The following SKAP1 variants were observed in gnomAD, a reference collection of about 807,000 sequenced individuals.
SKAP1 encodes src kinase-associated phosphoprotein 1.
SKAP1 carries 44 observed loss-of-function variants against 58.5 expected under a neutral mutation model. The observed-to-expected ratio is 0.75, with a 90% CI of 0.59 to 0.97. SKAP1 has a LOEUF of 0.97. Among genes scored for constraint, SKAP1 ranks in the 50% least tolerant of loss-of-function variants. The pLI is 0.00. For missense variants in SKAP1, 390 were observed against 435.2 expected, an observed-to-expected ratio of 0.90 and a Z score of 0.92; for synonymous variants, 127 against 149.7, an observed-to-expected ratio of 0.85 and a Z score of 1.11.
At chr17:48,346,974 T>C (rs573981918) in intron 3 of SKAP1, among the ~76,000 whole-genome samples, 58 of 152,358 alleles carry the variant, frequency 3.8e-4, no homozygotes, top group African/African-American at 1.4e-3. Flanking sequence ...TAAAAGGTAA[T>C]GTATATACAA....
intron 4 of SKAP1, among the ~76,000 whole-genome samples, chr17:48,306,372 T>C (rs1460208305): frequency 6.6e-6 from 1 of 152,240 alleles, no homozygotes; most frequent in Non-Finnish European, 1.5e-5. Context: ...TTAGTGGTCC[T>C]GGACAACCAC....
At chr17:48,385,779 G>C (rs938336662) in intron 2 of SKAP1, among the ~76,000 whole-genome samples, 1 of 152,196 alleles carries the variant, frequency 6.6e-6, no homozygotes, top group Admixed American at 6.5e-5. Flanking sequence ...CAGAAAAGAG[G>C]TGGAGGATAT....
rs144415758 is a variant in SKAP1, at chr17:48,155,124, A to T, written c.978+7345T>A. ...AACAAGCATGATGATGATGATGATG[A>T]TGATGATTTTTATTTTTTCTTGAGA... On this transcript the variant is annotated intron_variant, in intron 11 of 12. Transcript: ENST00000336915. 4.0e-3 allele frequency among the ~76,000 whole-genome samples: 609 copies of T among 151,062 alleles called. 4 individuals are homozygous for T. Among genetic ancestry groups the T allele is most frequent in the South Asian group, 9.9e-3 (47 of 4,748 alleles).
intron 1 of SKAP1, among the ~76,000 whole-genome samples, chr17:48,424,502 G>T (rs2067833740): frequency 6.6e-6 from 1 of 151,138 alleles, no homozygotes; most frequent in African/African-American, 2.4e-5. Context: ...TGGGATTACA[G>T]GCGTGAGCCA....
intron 2 of SKAP1, among the ~76,000 whole-genome samples, chr17:48,370,278 C>A (rs1471833451): frequency 1.3e-5 from 2 of 151,904 alleles, no homozygotes; most frequent in Non-Finnish European, 2.9e-5. Flanking sequence ...AAATCAAAAC[C>A]ATCTCACACC....
At chr17:48,435,101 G>A (rs2067933300), upstream of SKAP1, among the ~76,000 whole-genome samples, 1 of 152,150 alleles carries the variant, frequency 6.6e-6, no homozygotes, top group South Asian at 2.1e-4. Flanking sequence ...CCGTGCCACT[G>A]CACTCCAGCC....
chr17:48,296,410 T>C (rs2065973052), intron 4 of SKAP1, among the ~76,000 whole-genome samples: 1 of 152,158 alleles, frequency 6.6e-6, no homozygotes, highest in South Asian at 2.1e-4. Flanking sequence ...GTTGTTGTTG[T>C]TTAAAAAAAC....
intron 4 of SKAP1, among the ~76,000 whole-genome samples, chr17:48,285,139 T>C (rs2065814329): frequency 6.6e-6 from 1 of 152,206 alleles, no homozygotes; most frequent in Non-Finnish European, 1.5e-5. Context: ...AATGTTCTTT[T>C]ATGGTATTTG....
intron 4 of SKAP1, among the ~76,000 whole-genome samples, chr17:48,256,312 CTGAA>C (rs2065423386): frequency 1.3e-5 from 2 of 151,770 alleles, no homozygotes; most frequent in African/African-American, 4.8e-5. Flanking sequence ...TACATACAGA[CTGAA>C]TGATGAAAAA....
intron 4 of SKAP1, among the ~76,000 whole-genome samples, chr17:48,327,443 T>C (rs1442652907): frequency 6.6e-6 from 1 of 152,262 alleles, no homozygotes; most frequent in African/African-American, 2.4e-5. Context: ...ATCTGCACTT[T>C]AATTTCTCTT....
intron 2 of SKAP1, among the ~76,000 whole-genome samples, chr17:48,380,547 C>A (rs1334683551): frequency 6.6e-6 from 1 of 152,186 alleles, no homozygotes; most frequent in Non-Finnish European, 1.5e-5. Flanking sequence ...CCACCCCAGA[C>A]CTAGTGAATT....
intron 4 of SKAP1, among the ~76,000 whole-genome samples, chr17:48,266,612 G>A (rs568559561): frequency 3.8e-4 from 57 of 150,054 alleles, no homozygotes; most frequent in African/African-American, 1.3e-3. Context: ...CCAGGTTCAC[G>A]CCATTCTCCT....
intron 4 of SKAP1, among the ~76,000 whole-genome samples, chr17:48,257,522 G>A (rs1310676440): frequency 1.3e-5 from 2 of 151,838 alleles, no homozygotes; most frequent in Non-Finnish European, 2.9e-5. Context: ...TTTGAAGGAT[G>A]TATTGTGGTA....
At chr17:48,384,612 C>T (rs2067254450) in intron 2 of SKAP1, among the ~76,000 whole-genome samples, 1 of 152,202 alleles carries the variant, frequency 6.6e-6, no homozygotes, top group Admixed American at 6.5e-5. Flanking sequence ...TAAGACTATC[C>T]TGTGAGAATC....
At chr17:48,180,002 G>T in intron 9 of SKAP1, 52 bp downstream of exon 9, 1 of 1,464,956 alleles carries the variant, frequency 6.8e-7, no homozygotes, top group Non-Finnish European at 9.2e-7. Flanking sequence ...CTTCCACCAG[G>T]TCATGAATTT....
chr17:48,146,442 G>A (rs2063833614), intron 11 of SKAP1, among the ~76,000 whole-genome samples: 3 of 150,366 alleles, frequency 2.0e-5, no homozygotes, highest in South Asian at 4.2e-4. Flanking sequence ...GCAGTGAGCC[G>A]AGATTGCACC....
At chr17:48,182,880 C>T (rs1377454303) in intron 7 of SKAP1, among the ~76,000 whole-genome samples, 1 of 152,178 alleles carries the variant, frequency 6.6e-6, no homozygotes, top group Non-Finnish European at 1.5e-5. Context: ...GTCAGAGTGG[C>T]TTGCTGAAAT....
intron 4 of SKAP1, among the ~76,000 whole-genome samples, chr17:48,207,495 A>G (rs1486349516): frequency 6.6e-6 from 1 of 151,816 alleles, no homozygotes; most frequent in African/African-American, 2.4e-5. Context: ...CAAAAAAAAA[A>G]AAAAAAAGAA....
intron 4 of SKAP1, among the ~76,000 whole-genome samples, chr17:48,333,191 C>T (rs2066527515): frequency 6.6e-6 from 1 of 152,156 alleles, no homozygotes; most frequent in Non-Finnish European, 1.5e-5. Flanking sequence ...ATTACTTACT[C>T]AACTGGCAGA....
Sources: allele counts gnomAD v4.1 joint callset (sites outside exome capture counted in the v4.1 genomes callset), GRCh38; gene constraint gnomAD v4.1.1; transcripts MANE v1.5; gene names NCBI Gene and HGNC (gene_info 2026-07-23, HGNC 2026-07-21).